Variants in MYO10 observed in about 807,000 individuals in gnomAD.
MYO10 encodes the protein unconventional myosin-X.
MYO10 carries 133 observed loss-of-function variants against 257.3 expected under a neutral mutation model. The observed-to-expected ratio is 0.52, with a 90% confidence interval of 0.45 to 0.60. The LOEUF is 0.60. Among genes scored for constraint, MYO10 ranks in the 20% least tolerant of loss-of-function variants. The pLI, the probability that MYO10 is intolerant of heterozygous loss-of-function variation, is 0.00. For synonymous variants in MYO10, 1,104 were observed against 1,028.6 expected (o/e 1.07, Z -1.40); for missense variants, 2,399 against 2,635.7 (o/e 0.91, Z 1.97).
intron 2 of MYO10, among the ~76,000 whole-genome samples, chr5:16,838,806 T>C (rs1189763728): frequency 6.6e-6 from 1 of 152,192 alleles, no homozygotes; most frequent in African/African-American, 2.4e-5. Flanking sequence ...CCAGTGCTCA[T>C]TTACCATTCT....
At chr5:16,889,474 AGAAAGAAGGAAGGAAGGAAGGAAG>A (rs1228406082) in intron 1 of MYO10, among the ~76,000 whole-genome samples, 2 of 133,394 alleles carry the variant, frequency 1.5e-5, no homozygotes, top group South Asian at 2.6e-4. Flanking sequence ...AGGGAAGAAA[AGAAAGAAGGAAGGAAGGAAGGAAG>A]GAAGGAAGGA....
intron 1 of MYO10, among the ~76,000 whole-genome samples, chr5:16,901,020 C>T (rs12108703): frequency 0.017 from 2,605 of 152,210 alleles, 76 homozygotes; most frequent in African/African-American, 0.06. Flanking sequence ...CATGAGCCAC[C>T]ACGCCTGGCC....
At chr5:16,742,111 T>G (rs1298146598) in intron 19 of MYO10, 3 of 985,408 alleles carry the variant, frequency 3.0e-6, no homozygotes, top group East Asian at 2.3e-4. Context: ...GCCCAAAGAT[T>G]CTTGATTTTA....
At chr5:16,717,772 G>A (rs1264549566) in intron 19 of MYO10, among the ~76,000 whole-genome samples, 2 of 152,182 alleles carry the variant, frequency 1.3e-5, no homozygotes, top group East Asian at 1.9e-4. Context: ...CTCATACTGA[G>A]AGGTGACAGC....
chr5:16,898,700 TGCC>T (rs1346845891), intron 1 of MYO10, among the ~76,000 whole-genome samples: 1 of 151,236 alleles, frequency 6.6e-6, no homozygotes, highest in African/African-American at 2.4e-5. Context: ...TGAGCCACCA[TGCC>T]TGGCCCCATT....
chr5:16,696,062 T>C (rs1444483269), intron 26 of MYO10, among the ~76,000 whole-genome samples: 1 of 152,238 alleles, frequency 6.6e-6, no homozygotes, highest in Non-Finnish European at 1.5e-5. Flanking sequence ...TATTCTATTA[T>C]CTTGTTGTTG....
intron 19 of MYO10, among the ~76,000 whole-genome samples, chr5:16,737,283 A>G (rs759910580): frequency 4.6e-5 from 7 of 152,196 alleles, no homozygotes; most frequent in Non-Finnish European, 7.3e-5. Flanking sequence ...TGAAATACTG[A>G]CAAATGAAGC....
chr5:16,707,686 G>A (rs1738407652), intron 21 of MYO10, among the ~76,000 whole-genome samples: 2 of 152,192 alleles, frequency 1.3e-5, no homozygotes, highest in Admixed American at 6.5e-5. Flanking sequence ...CCAGGAAGGA[G>A]AGGGACCAGC....
chr5:16,741,312 C>T (rs1183976744), intron 19 of MYO10, among the ~76,000 whole-genome samples: 1 of 152,226 alleles, frequency 6.6e-6, no homozygotes, highest in Admixed American at 6.5e-5. Flanking sequence ...ACTCCGATAA[C>T]ATCTCACATT....
intron 35 of MYO10, 35 bp from the exon 36 acceptor site, chr5:16,673,924 T>C: frequency 6.3e-7 from 1 of 1,592,456 alleles, no homozygotes; most frequent in Non-Finnish European, 8.6e-7. Context: ...ATTTTTAGAC[T>C]GATGGGGGCT....
intron 2 of MYO10, among the ~76,000 whole-genome samples, chr5:16,858,477 G>A (rs1277033430): frequency 6.6e-6 from 1 of 150,772 alleles, no homozygotes; most frequent in Non-Finnish European, 1.5e-5. Context: ...TAATTTGCAT[G>A]CAATAAAATA....
intron 1 of MYO10, among the ~76,000 whole-genome samples, chr5:16,924,544 C>T (rs1746078759): frequency 6.6e-6 from 1 of 152,108 alleles, no homozygotes; most frequent in South Asian, 2.1e-4. Flanking sequence ...AATTTTACTC[C>T]TCAGGAAATA....
chr5:16,900,715 T>TC (rs1306679249), intron 1 of MYO10, among the ~76,000 whole-genome samples: 7 of 145,472 alleles, frequency 4.8e-5, no homozygotes, highest in Admixed American at 4.1e-4. Flanking sequence ...AGCATGATCC[T>TC]CCCAAAAGTA....
chr5:16,875,555 C>A (rs1580102857), intron 2 of MYO10, among the ~76,000 whole-genome samples: 1 of 152,076 alleles, frequency 6.6e-6, no homozygotes, highest in Non-Finnish European at 1.5e-5. Context: ...CTTTGTTCCC[C>A]CTCTCTCCCC....
At chr5:16,687,667 G>A (rs1168870394) in intron 28 of MYO10, among the ~76,000 whole-genome samples, 5 of 151,870 alleles carry the variant, frequency 3.3e-5, no homozygotes, top group Non-Finnish European at 5.9e-5. Context: ...TGCTTCCTAA[G>A]GGAGAAAAAT....
At chr5:16,779,768 A>G (rs1490977811) in intron 8 of MYO10, 120 bp from the exon 9 acceptor site, 1 of 554,332 alleles carries the variant, frequency 1.8e-6, no homozygotes, top group Non-Finnish European at 3.1e-6. Context: ...TCTCCCATAA[A>G]GATAATAAAG....
Position 16,701,609 on chromosome 5 carries a change from C to T in MYO10, c.2786G>A (p.Arg929Lys), listed in dbSNP as rs764073599. 9.9e-6 allele frequency: 16 copies of T among 1,612,770 alleles called. No homozygotes were observed. The highest frequency in any genetic ancestry group is 1.4e-5 in the Non-Finnish European group (16 of 1,179,408). The change falls in exon 25 of 41, where the codon AGG becomes AAG. Residue 929 changes from arginine (R) to lysine (K), a missense_variant. Arg to Lys is a conservative substitution (Grantham distance 26). This residue lies in a region of MYO10 where 1,820 missense variants were observed against 1,939.4 expected (regional missense o/e 0.94). Coordinates refer to ENST00000513610, the MANE Select transcript of MYO10 (RefSeq NM_012334.3). This position sits in a 1 kb window ranked among gnomAD's most constrained non-coding sequence, Gnocchi z 8.1. ...LQERRDQELR[R>K]LEEEACRAAQ... ...CGCCCTGCACGCTTCCTCCTCCAGC[C>T]TGCGGAGCTCCTGGTCCCGCCGCTC...
intron 1 of MYO10, among the ~76,000 whole-genome samples, chr5:16,923,560 C>T (rs6862796): frequency 0.32 from 48,523 of 150,884 alleles, 8,071 homozygotes; most frequent in Admixed American, 0.46. Context: ...GTGCTGGGAT[C>T]ACAGGCATGA....
chr5:16,739,418 T>G (rs1376245093), intron 19 of MYO10, among the ~76,000 whole-genome samples: 1 of 152,208 alleles, frequency 6.6e-6, no homozygotes, highest in Non-Finnish European at 1.5e-5. Flanking sequence ...ATACATCCAT[T>G]GTTATACACA....
Sources: gnomAD v4.1 joint callset for allele counts (sites outside exome capture counted in the v4.1 genomes callset) on GRCh38, gnomAD v4.1.1 for gene constraint, gnomAD v4.1.1 regional missense constraint, Gnocchi (gnomAD v3.1) non-coding constraint, MANE v1.5 for transcripts, NCBI Gene and HGNC (gene_info 2026-07-23, HGNC 2026-07-21) for gene names.